DSCAM: variants seen among roughly 807,000 people sequenced by gnomAD.
DSCAM encodes the protein cell adhesion molecule DSCAM.
Under a neutral mutation model 217.7 loss-of-function variants are expected in DSCAM, and 47 were observed. The ratio of observed to expected loss-of-function variants is 0.22; its 90% confidence interval spans 0.17 to 0.28. DSCAM has a LOEUF of 0.28. Ranked by LOEUF, DSCAM falls within the 10% of genes least tolerant of loss-of-function variation. The probability of loss-of-function intolerance (pLI) is 1.00; values close to 1 mark genes in which losing one functional copy is unlikely to be tolerated. For missense variants in DSCAM, 2,080 were observed against 2,618.3 expected (o/e 0.79, Z 4.49); for synonymous variants, 1,056 against 1,015.3 (o/e 1.04, Z -0.76).
At chr21:40,114,990 G>C (rs1239462342) in intron 20 of DSCAM, among the ~76,000 whole-genome samples, 2 of 152,226 alleles carry the variant, frequency 1.3e-5, no homozygotes, top group Non-Finnish European at 2.9e-5. Flanking sequence ...TTCAACCATT[G>C]TGGAAGTCAG....
intron 25 of DSCAM, 125 bp from the exon 26 acceptor site, chr21:40,079,102 A>G: frequency 9.4e-7 from 1 of 1,063,552 alleles, no homozygotes; most frequent in Non-Finnish European, 1.3e-6. Flanking sequence ...TCTGGCTCAC[A>G]GGCCACTGGC....
intron 11 of DSCAM, among the ~76,000 whole-genome samples, chr21:40,260,668 C>G (rs79990894): frequency 9.5e-4 from 145 of 152,326 alleles, no homozygotes; most frequent in African/African-American, 3.3e-3. Context: ...CAGCTTATTT[C>G]CATGTACCCA....
At chr21:40,485,297 C>T (rs940022536) in intron 3 of DSCAM, among the ~76,000 whole-genome samples, 6 of 141,724 alleles carry the variant, frequency 4.2e-5, no homozygotes, top group African/African-American at 1.3e-4. Context: ...GGAGTGAGTG[C>T]AGTGGCGCGA....
At chr21:40,325,404 C>A (rs186924266) in intron 8 of DSCAM, among the ~76,000 whole-genome samples, 2 of 151,914 alleles carry the variant, frequency 1.3e-5, no homozygotes, top group Admixed American at 6.6e-5. Context: ...ATGCAAACAG[C>A]AAAAATAGAG....
chr21:40,099,064 T>G (rs1211114916), intron 20 of DSCAM, among the ~76,000 whole-genome samples: 2 of 152,224 alleles, frequency 1.3e-5, no homozygotes, highest in Non-Finnish European at 2.9e-5. Flanking sequence ...AGCTTAATGA[T>G]GTGCAAATTC....
At chr21:40,467,100 C>A (rs2075851421) in intron 3 of DSCAM, among the ~76,000 whole-genome samples, 1 of 152,178 alleles carries the variant, frequency 6.6e-6, no homozygotes, top group African/African-American at 2.4e-5. Flanking sequence ...AGAGGGCTCC[C>A]AGATTTTGAT....
intron 3 of DSCAM, among the ~76,000 whole-genome samples, chr21:40,601,937 A>T (rs1568931505): frequency 6.6e-6 from 1 of 151,308 alleles, no homozygotes; most frequent in Non-Finnish European, 1.5e-5. Flanking sequence ...GTAATTTTGT[A>T]TCTAAATTCA....
At chr21:40,519,447 G>C (rs1739884375) in intron 3 of DSCAM, among the ~76,000 whole-genome samples, 1 of 152,134 alleles carries the variant, frequency 6.6e-6, no homozygotes. Context: ...GAGCCCTCAT[G>C]AACGGTATTG....
chr21:40,060,610 C>T lies in DSCAM; in HGVS notation c.4919+2259G>A, dbSNP rs555084267. Reference sequence around the variant, plus strand: ...GGGGCTGCGGTGGTGAGCAAACTCACGCCATTCTAAAGGGCTACTGTGCCT... The same window carrying T: ...GGGGCTGCGGTGGTGAGCAAACTCATGCCATTCTAAAGGGCTACTGTGCCT... On this transcript the variant is annotated intron_variant, in intron 28 of 32. Coordinates refer to ENST00000400454, the MANE Select transcript of DSCAM (RefSeq NM_001389.5). Among the ~76,000 whole-genome samples the T allele has an allele frequency of 7.2e-4, 109 of 152,212 alleles. 1 individual carries two copies. Among genetic ancestry groups the T allele is most frequent in the African/African-American group, 2.4e-3 (101 of 41,536 alleles).
chr21:40,343,832 TTTTA>T (rs911942514), intron 6 of DSCAM, among the ~76,000 whole-genome samples: 76 of 150,744 alleles, frequency 5.0e-4, no homozygotes, highest in South Asian at 2.9e-3. Context: ...TTTTACTTTA[TTTTA>T]TTTATTATTA....
chr21:40,249,897 A>G (rs2837532), intron 11 of DSCAM, among the ~76,000 whole-genome samples: 86,146 of 151,990 alleles, frequency 0.57, 26,013 homozygotes, highest in African/African-American at 0.78. Context: ...GCCTCAAGGT[A>G]TTTTGTCTGA....
chr21:40,078,066 G>T (rs936264877), intron 26 of DSCAM, among the ~76,000 whole-genome samples: 3 of 152,220 alleles, frequency 2.0e-5, no homozygotes, highest in Non-Finnish European at 4.4e-5. Flanking sequence ...AAAAATGAGT[G>T]AGATTTTAAA....
At chr21:40,041,086 T>G (rs1489698417) in intron 32 of DSCAM, among the ~76,000 whole-genome samples, 2 of 152,232 alleles carry the variant, frequency 1.3e-5, no homozygotes, top group Non-Finnish European at 2.9e-5. Flanking sequence ...GGATAAACTA[T>G]TCTTATTTTA....
intron 3 of DSCAM, among the ~76,000 whole-genome samples, chr21:40,547,650 C>T (rs900356023): frequency 6.6e-5 from 10 of 151,974 alleles, no homozygotes; most frequent in Non-Finnish European, 1.3e-4. Context: ...ACAAAGACAC[C>T]GGTGGAATCA....
At chr21:40,408,583 G>T (rs146938294) in intron 3 of DSCAM, among the ~76,000 whole-genome samples, 5 of 152,066 alleles carry the variant, frequency 3.3e-5, no homozygotes, top group African/African-American at 1.2e-4. Flanking sequence ...TTCATCAGTC[G>T]TAAGTTGGCA....
chr21:40,399,745 T>C (rs2075216938), intron 3 of DSCAM, among the ~76,000 whole-genome samples: 1 of 152,190 alleles, frequency 6.6e-6, no homozygotes, highest in Non-Finnish European at 1.5e-5. Context: ...TTAACAAGAA[T>C]TTATATAAAC....
intron 3 of DSCAM, among the ~76,000 whole-genome samples, chr21:40,629,087 GT>G (rs1369002034): frequency 1.3e-4 from 1 of 7,802 alleles, no homozygotes; most frequent in Non-Finnish European, 7.2e-4. Context: ...GTGTGTGTGT[GT>G]GTGTGTGTGT....
At chr21:40,142,453 G>C (rs1047673045) in intron 18 of DSCAM, 105 bp downstream of exon 18, 4 of 1,269,080 alleles carry the variant, frequency 3.2e-6, no homozygotes, top group Non-Finnish European at 4.4e-6. Flanking sequence ...TGATAAAGAG[G>C]TGCCCGCCAT....
At chr21:40,449,318 G>C (rs924961304) in intron 3 of DSCAM, among the ~76,000 whole-genome samples, 4 of 152,100 alleles carry the variant, frequency 2.6e-5, no homozygotes, top group Non-Finnish European at 4.4e-5. Context: ...CATCTTTGGT[G>C]GGGGAGCATC....
Sources: allele counts gnomAD v4.1 joint callset (sites outside exome capture counted in the v4.1 genomes callset), GRCh38; gene constraint gnomAD v4.1.1; transcripts MANE v1.5; gene names NCBI Gene and HGNC (gene_info 2026-07-23, HGNC 2026-07-21).